PPP4R3A: variants seen among roughly 807,000 people sequenced by gnomAD.
The protein encoded by PPP4R3A is protein phosphatase 4 regulatory subunit 3A, also known as serine/threonine-protein phosphatase 4 regulatory subunit 3A.
PPP4R3A carries 15 observed loss-of-function variants against 91.7 expected under a neutral mutation model. The ratio of observed to expected loss-of-function variants is 0.16; its 90% confidence interval spans 0.11 to 0.25. The LOEUF is 0.25. PPP4R3A is among the 10% of genes least tolerant of loss of function. PPP4R3A has a pLI of 1.00. For missense variants in PPP4R3A, 623 were observed against 998.4 expected (o/e 0.62, Z 5.07); for synonymous variants, 377 against 348.7 (o/e 1.08, Z -0.91).
At position 91,465,397 on chromosome 14, in the gene PPP4R3A, C is replaced by T. The variant is rs766499835; in HGVS notation, c.1683G>A (p.Lys561=). ...AAAACTCATCTTTTAATCCAATAAT[C>T]TTTCTTTTAAAACGAAGGGCACCTG... The part of the protein sequence containing the change: ...LALCALRFKR[K]IIGLKDEFYN... The change falls in exon 11 of 15, where the codon AAG becomes AAA. Residue 561 remains lysine, a synonymous_variant. Transcript: ENST00000554943. 1 of 1,595,112 alleles carries T rather than the reference C, an allele frequency of 6.3e-7. No homozygotes were observed. Among genetic ancestry groups the T allele is most frequent in the African/African-American group, 1.4e-5 (1 of 73,832 alleles).
At chr14:91,485,797 A>C in intron 2 of PPP4R3A, 67 bp from the exon 3 acceptor site, 2 of 1,073,948 alleles carry the variant, frequency 1.9e-6, no homozygotes, top group Non-Finnish European at 2.7e-6. Flanking sequence ...GAACAAACAA[A>C]AGGAAATAAA....
At chr14:91,499,960 A>T (rs1890839766) in intron 1 of PPP4R3A, among the ~76,000 whole-genome samples, 1 of 152,092 alleles carries the variant, frequency 6.6e-6, no homozygotes, top group Non-Finnish European at 1.5e-5. Flanking sequence ...TGGGGATTGG[A>T]GATAAAGATG....
At chr14:91,507,379 ATACTATATAGTATATG>A (rs1891385274) in intron 1 of PPP4R3A, among the ~76,000 whole-genome samples, 1 of 64,014 alleles carries the variant, frequency 1.6e-5, no homozygotes, top group East Asian at 3.9e-4. Context: ...ATAATTATAT[ATACTATATAGTATATG>A]TACTATAATT....
intron 14 of PPP4R3A, 68 bp downstream of exon 14, chr14:91,461,313 A>T: frequency 7.0e-7 from 1 of 1,419,616 alleles, no homozygotes; most frequent in Non-Finnish European, 9.9e-7. Context: ...AGGGAATCTT[A>T]GTCAAAATTA....
intron 4 of PPP4R3A, among the ~76,000 whole-genome samples, chr14:91,479,533 A>T (rs1325424617): frequency 6.6e-6 from 1 of 150,820 alleles, no homozygotes; most frequent in East Asian, 1.9e-4. Context: ...ATACCTGGCT[A>T]ATTTAAAAAA....
At chr14:91,482,541 C>T (rs1286105595) in intron 3 of PPP4R3A, among the ~76,000 whole-genome samples, 1 of 152,086 alleles carries the variant, frequency 6.6e-6, no homozygotes, top group Non-Finnish European at 1.5e-5. Context: ...CATCTCATAT[C>T]CCTGGCCCTC....
Position 91,481,815 on chromosome 14 carries a change from A to G in PPP4R3A, c.676T>C (p.Tyr226His), listed in dbSNP as rs533591917. ...CGTGGTTGTGATAAAGCAGGATCAT[A>G]TTCTAAACATCCAATGACGTCCATT... ...CIMDVIGCLEYDPALSQPRKH... is the reference protein window; with the variant it reads ...CIMDVIGCLEHDPALSQPRKH... Residue 226 changes from tyrosine to histidine, a missense_variant, in exon 4 of 15, where the codon TAT becomes CAT. By Grantham distance (83) the Tyr-to-His change is moderately conservative. Coordinates refer to ENST00000554943, the MANE Select transcript of PPP4R3A (RefSeq NM_001366432.2). 12 of 1,614,176 alleles carry G rather than the reference A, an allele frequency of 7.4e-6. No individual in the cohort carries two copies. In the South Asian group the frequency reaches 1.2e-4, roughly 16 times the overall value.
At chr14:91,509,352 C>G (rs1177147349) in intron 1 of PPP4R3A, among the ~76,000 whole-genome samples, 154 bp downstream of exon 1, 1 of 152,248 alleles carries the variant, frequency 6.6e-6, no homozygotes. Context: ...TCCCGCAAGA[C>G]TGGGGTACCT....
chr14:91,462,891 T>G lies in PPP4R3A; in HGVS notation c.1831-14A>C, dbSNP rs780376417. 2.5e-6 allele frequency: 4 copies of G among 1,570,696 alleles called. No homozygotes were observed. Among genetic ancestry groups the G allele is most frequent in the Non-Finnish European group, 3.5e-6 (4 of 1,151,252 alleles). ...TTTTATATCTTCCTACAGAAAAGAATAGTAATGAAAAAATGATAGGAAAAT... is the reference window on the plus strand; with the variant it reads ...TTTTATATCTTCCTACAGAAAAGAAGAGTAATGAAAAAATGATAGGAAAAT... On this transcript the variant is annotated splice_polypyrimidine_tract_variant and intron_variant, in intron 11 of 14. Transcript: ENST00000554943.
Position 91,482,103 on chromosome 14 carries a change from A to C in PPP4R3A, c.388T>G (p.Leu130Val). 6.2e-7 allele frequency: 1 copy of C among 1,614,160 alleles called. No individual in the cohort carries two copies. ...ERFDDMSSPG[L>V]ELPSCELSRL... is the part of the protein sequence containing the mutation. ...CTTAATTCACAAGATGGCAATTCTAAGCCTGGCGATGACATATCATCAAAA... is the reference window on the plus strand; with the variant it reads ...CTTAATTCACAAGATGGCAATTCTACGCCTGGCGATGACATATCATCAAAA... The change falls in exon 4 of 15, where the codon TTA (leucine) becomes GTA (valine). Residue 130 changes from leucine to valine, a missense_variant. This residue lies in a region of PPP4R3A where 264 missense variants were observed against 377.3 expected (regional missense o/e 0.70). Coordinates refer to ENST00000554943, the MANE Select transcript of PPP4R3A (RefSeq NM_001366432.2).
chr14:91,474,511 C>T (rs1225865242), intron 7 of PPP4R3A: 1 of 152,106 alleles, frequency 6.6e-6, no homozygotes, highest in Non-Finnish European at 1.5e-5. Context: ...AAAAAGAGTC[C>T]TACTGTGTGT....
In PPP4R3A at chr14:91,475,950, T is replaced by C; in HGVS notation, c.1127A>G (p.Gln376Arg). Residue 376 changes from glutamine (Q) to arginine (R), a missense_variant, in exon 7 of 15, where the codon CAG becomes CGG. Coordinates refer to ENST00000554943, the MANE Select transcript of PPP4R3A (RefSeq NM_001366432.2). ...TATATCAGTAGCAGCACTTCGCACC[T>C]GTGTATCATCCATGCCCTGCAGACA... ...LEVILGMDDT[Q>R]VRSAATDIFS... 1 of 1,592,860 alleles carries C rather than the reference T, an allele frequency of 6.3e-7. No homozygotes were observed. Among genetic ancestry groups the C allele is most frequent in the Non-Finnish European group, 8.5e-7 (1 of 1,173,842 alleles).
chr14:91,483,516 T>C (rs1278960629), intron 3 of PPP4R3A, among the ~76,000 whole-genome samples: 1 of 152,198 alleles, frequency 6.6e-6, no homozygotes, highest in African/African-American at 2.4e-5. Flanking sequence ...ACCCAAACTA[T>C]GACTTTATCC....
intron 3 of PPP4R3A, among the ~76,000 whole-genome samples, chr14:91,483,565 A>T (rs1458228250): frequency 6.6e-6 from 1 of 152,218 alleles, no homozygotes; most frequent in Admixed American, 6.5e-5. Context: ...AACCAAATGA[A>T]AAGAGAGGAG....
At chr14:91,461,292 G>A (rs1888138147) in intron 14 of PPP4R3A, 89 bp downstream of exon 14, 1 of 1,157,026 alleles carries the variant, frequency 8.6e-7, no homozygotes, top group Non-Finnish European at 1.3e-6. Flanking sequence ...GTTCTAGGTG[G>A]CAGTAACCAA....
rs1888665490 is a variant in PPP4R3A at position 91,468,966 on chromosome 14, T to C, written c.1660+1871A>G. ...CCCTCCTCCTAATGAACTGATTCCA[T>C]TGATGGCCAAGTCCAGGTCATAACC... On this transcript the variant is annotated intron_variant, in intron 10 of 14. Coordinates refer to ENST00000554943, the MANE Select transcript of PPP4R3A (RefSeq NM_001366432.2). Among the ~76,000 whole-genome samples the C allele has an allele frequency of 2.6e-5, 4 of 152,224 alleles. No homozygotes were observed. The South Asian group carries it at 8.3e-4, about 32-fold the overall frequency.
intron 9 of PPP4R3A, among the ~76,000 whole-genome samples, chr14:91,471,464 G>A (rs1595057425): frequency 1.3e-5 from 2 of 152,144 alleles, no homozygotes; most frequent in South Asian, 2.1e-4. Flanking sequence ...CTTGTAACGA[G>A]TCTATACTGA....
At chr14:91,466,714 A>G (rs910364241) in intron 10 of PPP4R3A, among the ~76,000 whole-genome samples, 1 of 152,178 alleles carries the variant, frequency 6.6e-6, no homozygotes, top group Non-Finnish European at 1.5e-5. Flanking sequence ...TCAAAGCCTA[A>G]CAAGGGTTTA....
chr14:91,464,850 G>A (rs750538837), intron 11 of PPP4R3A, among the ~76,000 whole-genome samples: 1 of 152,192 alleles, frequency 6.6e-6, no homozygotes, highest in African/African-American at 2.4e-5. Context: ...GGGTGGGAGT[G>A]GGGGAGCACA....
Sources: allele counts gnomAD v4.1 joint callset (sites outside exome capture counted in the v4.1 genomes callset), GRCh38; gene constraint gnomAD v4.1.1; regional missense constraint gnomAD v4.1.1; transcripts MANE v1.5; gene names NCBI Gene and HGNC (gene_info 2026-07-23, HGNC 2026-07-21).